The following PAK5 variants were observed in gnomAD, a reference collection of about 807,000 sequenced individuals.
The protein encoded by PAK5 is serine/threonine-protein kinase PAK 5.
PAK5 carries 16 observed loss-of-function variants against 65.9 expected under a neutral mutation model. The ratio of observed to expected loss-of-function variants is 0.24; its 90% CI spans 0.16 to 0.37. The LOEUF is 0.37. Among genes scored for constraint, PAK5 ranks in the 10% least tolerant of loss-of-function variants. The pLI is 1.00. For synonymous variants in PAK5, 371 were observed against 354.9 expected (o/e 1.05, Z -0.51); for missense variants, 785 against 903.9 (o/e 0.87, Z 1.69).
At chr20:9,754,891 T>C (rs1018454001) in intron 1 of PAK5, among the ~76,000 whole-genome samples, 4 of 152,198 alleles carry the variant, frequency 2.6e-5, no homozygotes, top group Non-Finnish European at 5.9e-5. Context: ...CAATAAGTTG[T>C]ATAGAAAGGA....
chr20:9,836,293 T>C (rs1979143398), intron 1 of PAK5, among the ~76,000 whole-genome samples: 1 of 152,192 alleles, frequency 6.6e-6, no homozygotes, highest in Admixed American at 6.5e-5. Flanking sequence ...CCTGTGAATA[T>C]GACGTTTAGA....
intron 1 of PAK5, among the ~76,000 whole-genome samples, chr20:9,721,997 T>A (rs191323923): frequency 6.6e-5 from 10 of 152,314 alleles, no homozygotes; most frequent in South Asian, 4.1e-4. Flanking sequence ...GGCTATTTTT[T>A]AAAATTCAAA....
At chr20:9,801,371 T>C (rs1478688146) in intron 1 of PAK5, among the ~76,000 whole-genome samples, 2 of 151,822 alleles carry the variant, frequency 1.3e-5, no homozygotes, top group Non-Finnish European at 2.9e-5. Flanking sequence ...TGAAACTGTT[T>C]TATAGATTTT....
chr20:9,605,430 A>T (rs1315245831), intron 3 of PAK5, among the ~76,000 whole-genome samples: 1 of 152,210 alleles, frequency 6.6e-6, no homozygotes, highest in Non-Finnish European at 1.5e-5. Context: ...TGTAGGTTTG[A>T]ATATCTGCTC....
At chr20:9,687,403 C>A (rs1421672553) in intron 2 of PAK5, among the ~76,000 whole-genome samples, 1 of 152,142 alleles carries the variant, frequency 6.6e-6, no homozygotes, top group African/African-American at 2.4e-5. Flanking sequence ...AAGTATTTCC[C>A]CTGCCCAATC....
At chr20:9,695,364 G>A (rs1470463739) in intron 2 of PAK5, among the ~76,000 whole-genome samples, 1 of 151,912 alleles carries the variant, frequency 6.6e-6, no homozygotes, top group East Asian at 1.9e-4. Flanking sequence ...TGTTAGTTTA[G>A]TCCAATTTAC....
At chr20:9,800,075 GT>G (rs1316357597) in intron 1 of PAK5, among the ~76,000 whole-genome samples, 1 of 151,380 alleles carries the variant, frequency 6.6e-6, no homozygotes, top group African/African-American at 2.4e-5. Context: ...AAGAAGACAA[GT>G]TTTATTACAA....
intron 1 of PAK5, among the ~76,000 whole-genome samples, chr20:9,803,142 C>G (rs1174847137): frequency 3.3e-5 from 5 of 151,286 alleles, no homozygotes; most frequent in African/African-American, 1.2e-4. Context: ...AGGACAAAAA[C>G]AAGAAAAAAA....
intron 2 of PAK5, among the ~76,000 whole-genome samples, chr20:9,655,762 T>G (rs1361024193): frequency 2.0e-5 from 3 of 152,164 alleles, no homozygotes; most frequent in Non-Finnish European, 2.9e-5. Context: ...ACAGATTGGG[T>G]GGCTTAAGCA....
intron 2 of PAK5, among the ~76,000 whole-genome samples, chr20:9,662,952 A>G (rs1299559717): frequency 2.0e-5 from 3 of 152,224 alleles, no homozygotes; most frequent in Non-Finnish European, 4.4e-5. Context: ...ATTACATTAT[A>G]TTTAATGAGC....
intron 5 of PAK5, among the ~76,000 whole-genome samples, chr20:9,564,171 C>T (rs1450788564): frequency 6.6e-6 from 1 of 152,188 alleles, no homozygotes; most frequent in African/African-American, 2.4e-5. Context: ...CCCCTCAATG[C>T]TCTCATAAAA....
chr20:9,734,533 TAG>T (rs1391495437), intron 1 of PAK5, among the ~76,000 whole-genome samples: 4 of 135,532 alleles, frequency 3.0e-5, no homozygotes, highest in Non-Finnish European at 6.5e-5. Flanking sequence ...AAAAGACTGA[TAG>T]ACACACACGC....
intron 4 of PAK5, among the ~76,000 whole-genome samples, chr20:9,571,677 C>G (rs190948623): frequency 1.3e-5 from 2 of 152,232 alleles, no homozygotes; most frequent in Admixed American, 1.3e-4. Flanking sequence ...TATTCTTGCA[C>G]GTAAACCTCA....
intron 2 of PAK5, among the ~76,000 whole-genome samples, chr20:9,691,219 A>C (rs1294935601): frequency 1.3e-5 from 2 of 152,160 alleles, no homozygotes; most frequent in African/African-American, 4.8e-5. Flanking sequence ...TAGGTGTTTC[A>C]AACGCAGGGG....
At chr20:9,812,687 A>G (rs906944582) in intron 1 of PAK5, among the ~76,000 whole-genome samples, 1 of 152,192 alleles carries the variant, frequency 6.6e-6, no homozygotes, top group Non-Finnish European at 1.5e-5. Context: ...TCAAATGCAC[A>G]TCAACAGATG....
At chr20:9,836,552 G>A (rs1241869943) in intron 1 of PAK5, among the ~76,000 whole-genome samples, 1 of 152,184 alleles carries the variant, frequency 6.6e-6, no homozygotes, top group Non-Finnish European at 1.5e-5. Flanking sequence ...AGGTTTTGGA[G>A]GGTGCATGGC....
chr20:9,763,881 T>C (rs1029181670), intron 1 of PAK5, among the ~76,000 whole-genome samples: 1 of 152,160 alleles, frequency 6.6e-6, no homozygotes, highest in Non-Finnish European at 1.5e-5. Flanking sequence ...TAAACACACA[T>C]ACACATATAA....
chr20:9,717,307 A>T (rs55749142), intron 1 of PAK5, among the ~76,000 whole-genome samples: 3,065 of 152,264 alleles, frequency 0.02, 111 homozygotes, highest in African/African-American at 0.07. Context: ...GAGGCAATTT[A>T]TTATTCCCTG....
rs113905808 is a variant in PAK5, at chr20:9,651,321, G to C, written c.-11-6982C>G. 3.7e-4 allele frequency among the ~76,000 whole-genome samples: 57 copies of C among 152,284 alleles called. 1 individual carries two copies. The highest frequency in any genetic ancestry group is 3.4e-3 in the Middle Eastern group (1 of 294). On this transcript the variant is annotated intron_variant, in intron 2 of 9. Transcript: ENST00000353224. The stretch of plus-strand genomic sequence containing the variant: ...TCCTAGCAAGTGCAATCCAAATTAG[G>C]ATTTTAGGGAATGGAGTAGGAACTC...
Sources: gnomAD v4.1 joint callset for allele counts (sites outside exome capture counted in the v4.1 genomes callset) on GRCh38, gnomAD v4.1.1 for gene constraint, MANE v1.5 for transcripts, NCBI Gene and HGNC (gene_info 2026-07-23, HGNC 2026-07-21) for gene names.